Variants in TSHZ3 observed in about 807,000 individuals in gnomAD.
The protein encoded by TSHZ3 is teashirt homolog 3.
TSHZ3 carries 10 observed loss-of-function variants against 64.5 expected under a neutral mutation model. That is an observed-to-expected ratio of 0.16 (90% CI 0.10 to 0.26). The LOEUF (loss-of-function observed/expected upper bound fraction) is 0.26, where lower values mean the gene tolerates loss of function less well. TSHZ3 is among the 10% of genes least tolerant of loss of function. The probability of loss-of-function intolerance (pLI) is 1.00; values close to 1 mark genes in which losing one functional copy is unlikely to be tolerated. For missense variants in TSHZ3, 1,242 were observed against 1,421.7 expected, an observed-to-expected ratio of 0.87 and a Z score of 2.03; for synonymous variants, 608 against 593.1, an observed-to-expected ratio of 1.03 and a Z score of -0.36.
Position 31,277,745 on chromosome 19 carries a change from G to C in TSHZ3, c.2048C>G (p.Pro683Arg). ...GCCATTCTCCACCGGCTCAGCGAGG[G>C]GGCTCCCATCCTTGCACCCATCCCG... ...PPRDGCKDGSPLAEPVENGKE... is the reference protein window; with the variant it reads ...PPRDGCKDGSRLAEPVENGKE... The change falls in exon 2 of 2, where the codon CCC becomes CGC. Residue 683 changes from proline (P) to arginine (R), a missense_variant. By Grantham distance (103) the Pro-to-Arg change is moderately radical. Transcript: ENST00000240587. The surrounding 1 kb of genome is among the most constrained non-coding windows in gnomAD (Gnocchi z 4.5). 6.6e-7 allele frequency: 1 copy of C among 1,522,730 alleles called. No individual in the cohort carries two copies. The highest frequency in any genetic ancestry group is 1.4e-5 in the African/African-American group (1 of 71,896). The allele number at this position is 1,522,730 out of a possible 1,614,324, so 94.3% of individuals were successfully genotyped here. A position where few individuals can be genotyped will look rare whatever the true frequency, so the allele number is the denominator to read the frequency against.
At chr19:31,159,540 T>C (rs549245087) in intron 5 of TSHZ3, among the ~76,000 whole-genome samples, 2 of 152,354 alleles carry the variant, frequency 1.3e-5, no homozygotes, top group African/African-American at 4.8e-5. Context: ...TTAATGTGGC[T>C]ATAAGAAAAT....
chr19:31,253,702 G>T (rs537228374), intron 1 of TSHZ3, among the ~76,000 whole-genome samples: 9 of 152,172 alleles, frequency 5.9e-5, no homozygotes, highest in African/African-American at 1.7e-4. Context: ...GTCTGTGCAT[G>T]CATGGGTACG....
chr19:31,178,633 C>G (rs533158175), intron 5 of TSHZ3, among the ~76,000 whole-genome samples: 1 of 152,144 alleles, frequency 6.6e-6, no homozygotes, highest in Admixed American at 6.5e-5. Flanking sequence ...GAGCCAAGAT[C>G]GCGCCATTGC....
At chr19:31,208,169 T>C (rs1450512477) in intron 4 of TSHZ3, among the ~76,000 whole-genome samples, 2 of 152,178 alleles carry the variant, frequency 1.3e-5, no homozygotes, top group Non-Finnish European at 2.9e-5. Flanking sequence ...AAATAGATGC[T>C]AGTTAACGTG....
intron 5 of TSHZ3, among the ~76,000 whole-genome samples, chr19:31,200,911 T>TG (rs1568345866): frequency 6.6e-6 from 1 of 151,336 alleles, no homozygotes; most frequent in East Asian, 1.9e-4. Flanking sequence ...AAGTTTATTT[T>TG]GAAAAAAAAA....
chr19:31,164,206 G>T (rs1974411360), intron 5 of TSHZ3, among the ~76,000 whole-genome samples: 1 of 152,130 alleles, frequency 6.6e-6, no homozygotes, highest in African/African-American at 2.4e-5. Context: ...CTGTTTTAGA[G>T]CTTCTCAGGC....
At chr19:31,183,569 C>T (rs377275088) in intron 5 of TSHZ3, among the ~76,000 whole-genome samples, 2 of 152,138 alleles carry the variant, frequency 1.3e-5, no homozygotes, top group East Asian at 3.9e-4. Flanking sequence ...AATTGGAAGG[C>T]CACAGAAAGG....
chr19:31,176,630 A>T (rs1974610639), intron 5 of TSHZ3, among the ~76,000 whole-genome samples: 1 of 152,150 alleles, frequency 6.6e-6, no homozygotes, highest in Admixed American at 6.5e-5. Flanking sequence ...CTCTACAAAA[A>T]TAAAAATAAA....
At chr19:31,295,393 CT>C (rs1277305205) in intron 1 of TSHZ3, among the ~76,000 whole-genome samples, 1 of 152,196 alleles carries the variant, frequency 6.6e-6, no homozygotes, top group Non-Finnish European at 1.5e-5. Flanking sequence ...AGCAAAGCAA[CT>C]GGAAAGGATT....
intron 3 of TSHZ3, among the ~76,000 whole-genome samples, chr19:31,238,430 A>G (rs1975648013): frequency 6.6e-6 from 1 of 151,892 alleles, no homozygotes; most frequent in Non-Finnish European, 1.5e-5. Flanking sequence ...TAATTTTTGC[A>G]TTTTTAGTAG....
intron 1 of TSHZ3, among the ~76,000 whole-genome samples, chr19:31,304,073 C>A (rs1042999811): frequency 6.6e-6 from 1 of 151,912 alleles, no homozygotes; most frequent in Admixed American, 6.6e-5. Flanking sequence ...CTCCCGGGTT[C>A]AAGTGATTGT....
chr19:31,178,777 T>C (rs1974653242), intron 5 of TSHZ3, among the ~76,000 whole-genome samples: 1 of 152,152 alleles, frequency 6.6e-6, no homozygotes, highest in Non-Finnish European at 1.5e-5. Context: ...GTGAGACATG[T>C]CATCAGAAGG....
At chr19:31,265,408 A>AG (rs1976040903) in intron 1 of TSHZ3, among the ~76,000 whole-genome samples, 2 of 149,718 alleles carry the variant, frequency 1.3e-5, no homozygotes, top group South Asian at 4.2e-4. Context: ...AAAAAAAAAA[A>AG]AAAAAAAAAA....
intron 1 of TSHZ3, among the ~76,000 whole-genome samples, chr19:31,300,528 A>C (rs1976736620): frequency 6.6e-6 from 1 of 152,156 alleles, no homozygotes; most frequent in Non-Finnish European, 1.5e-5. Flanking sequence ...CTAGGTTATA[A>C]CCAAAGGGTG....
chr19:31,335,230 C>T (rs1042532247), intron 1 of TSHZ3, among the ~76,000 whole-genome samples: 5 of 152,204 alleles, frequency 3.3e-5, no homozygotes, highest in Non-Finnish European at 7.3e-5. Context: ...CCCGACGAAC[C>T]GCCACATTTT....
intron 1 of TSHZ3, among the ~76,000 whole-genome samples, chr19:31,317,908 G>A (rs567414628): frequency 3.3e-5 from 5 of 152,326 alleles, no homozygotes; most frequent in East Asian, 3.9e-4. Context: ...GGGCCCAGCC[G>A]TATTGACTCA....
intron 1 of TSHZ3, among the ~76,000 whole-genome samples, chr19:31,265,606 G>C (rs1477454034): frequency 6.6e-6 from 1 of 152,032 alleles, no homozygotes; most frequent in South Asian, 2.1e-4. Flanking sequence ...CATTATTCGA[G>C]ATGCACAGAG....
At chr19:31,226,657 T>A (rs953148775) in intron 4 of TSHZ3, among the ~76,000 whole-genome samples, 1 of 152,124 alleles carries the variant, frequency 6.6e-6, no homozygotes, top group Non-Finnish European at 1.5e-5. Flanking sequence ...ATTCTTGCCT[T>A]CCATCTGAGC....
At chr19:31,174,761 A>G (rs1170943396) in intron 5 of TSHZ3, among the ~76,000 whole-genome samples, 2 of 152,206 alleles carry the variant, frequency 1.3e-5, no homozygotes, top group African/African-American at 2.4e-5. Flanking sequence ...GCAAGGTGAC[A>G]TTGGTATGGA....
Sources: allele counts gnomAD v4.1 joint callset (sites outside exome capture counted in the v4.1 genomes callset), GRCh38; gene constraint gnomAD v4.1.1; non-coding constraint Gnocchi (gnomAD v3.1); transcripts MANE v1.5; gene names NCBI Gene and HGNC (gene_info 2026-07-23, HGNC 2026-07-21).